Variants in ARHGEF10L observed in about 807,000 individuals in gnomAD.
ARHGEF10L encodes Rho guanine nucleotide exchange factor 10 like.
In ARHGEF10L, 69 loss-of-function variants were observed where a neutral mutation model predicts 141.2. That is an observed-to-expected ratio of 0.49 (90% confidence interval 0.40 to 0.60). ARHGEF10L has a LOEUF of 0.60. Ranked by LOEUF, ARHGEF10L falls within the 20% of genes least tolerant of loss-of-function variation. The probability of loss-of-function intolerance (pLI) is 0.00; values close to 1 mark genes in which losing one functional copy is unlikely to be tolerated. For synonymous variants in ARHGEF10L, 711 were observed against 718.5 expected (o/e 0.99, Z 0.17); for missense variants, 1,482 against 1,734.3 (o/e 0.85, Z 2.58).
At chr1:17,680,109 C>A (rs2102404227) in intron 26 of ARHGEF10L, among the ~76,000 whole-genome samples, 1 of 152,322 alleles carries the variant, frequency 6.6e-6, no homozygotes, top group Non-Finnish European at 1.5e-5. Context: ...CTGCCCCTGC[C>A]CATCTGGGCC....
In ARHGEF10L at chr1:17,656,134, C is replaced by A; in HGVS notation, c.2705+32C>A. 1 of 1,546,406 alleles carries A rather than the reference C, an allele frequency of 6.5e-7. No homozygotes were observed. The highest frequency in any genetic ancestry group is 2.3e-4 in the Middle Eastern group (1 of 4,442). On this transcript the variant is annotated intron_variant, in intron 24 of 28. Coordinates refer to ENST00000361221, the MANE Select transcript of ARHGEF10L (RefSeq NM_018125.4). This position sits in a 1 kb window ranked among gnomAD's most constrained non-coding sequence, Gnocchi z 4.9. ...GGCCCGGAAGGAGGGGTGAGAGCAG[C>A]CTCTGCAGGGCTGGGCAGTGGGTGG...
chr1:17,513,911 G>A, the ARHGEF10L span, among the ~76,000 whole-genome samples: 3 of 151,820 alleles, frequency 2.0e-5, no homozygotes, highest in African/African-American at 7.3e-5. Context: ...TGCAACCTCC[G>A]CCTCCCAGGT....
chr1:17,551,193 C>T (rs1251931212), intron 1 of ARHGEF10L, among the ~76,000 whole-genome samples: 1 of 152,128 alleles, frequency 6.6e-6, no homozygotes, highest in Non-Finnish European at 1.5e-5. Context: ...CATTCCTCTC[C>T]TCCCAACACA....
chr1:17,567,121 C>T (rs916448624), intron 1 of ARHGEF10L, among the ~76,000 whole-genome samples: 3 of 152,228 alleles, frequency 2.0e-5, no homozygotes, highest in Admixed American at 2.0e-4. Flanking sequence ...ATAGACCTGG[C>T]AAAGGCTCAG....
chr1:17,518,006 C>A, the ARHGEF10L span, among the ~76,000 whole-genome samples: 1 of 152,204 alleles, frequency 6.6e-6, no homozygotes, highest in Admixed American at 6.6e-5. Flanking sequence ...GGTCAGTAAA[C>A]TTCTCTGTAA....
At chr1:17,538,218 G>A (rs2076608647), upstream of ARHGEF10L, among the ~76,000 whole-genome samples, 1 of 152,236 alleles carries the variant, frequency 6.6e-6, no homozygotes, top group South Asian at 2.1e-4. Context: ...AATGCCATGA[G>A]CCTGAGGTCA....
At position 17,558,986 on chromosome 1, in the gene ARHGEF10L, C is replaced by T. The variant is rs370654911; in HGVS notation, c.-44+19036C>T. Among the ~76,000 whole-genome samples the T allele has an allele frequency of 1.6e-4, 24 of 152,266 alleles. No homozygotes were observed. The East Asian group carries it at 2.3e-3, about 15-fold the overall frequency. On this transcript the variant is annotated intron_variant, in intron 1 of 28. Coordinates refer to ENST00000361221, the MANE Select transcript of ARHGEF10L (RefSeq NM_018125.4). The surrounding 1 kb of genome is among the most constrained non-coding windows in gnomAD (Gnocchi z 4.2). ...CATGAAAGCTGATGACTCCTTTCCA[C>T]CAGTGAATTTCCTGCAACCCACAGG...
At chr1:17,602,352 T>A in intron 5 of ARHGEF10L, 134 bp downstream of exon 5, 1 of 1,027,730 alleles carries the variant, frequency 9.7e-7, no homozygotes, top group East Asian at 2.7e-5. Context: ...TCTGTGGCCC[T>A]GGAGGACCAA....
In ARHGEF10L at chr1:17,656,542, C is replaced by A; in HGVS notation, c.2706-12C>A. 6.2e-7 allele frequency: 1 copy of A among 1,604,272 alleles called. No individual in the cohort carries two copies. The highest frequency in any genetic ancestry group is 1.3e-5 in the African/African-American group (1 of 74,902). ...AGTGTGTCATGACCGCTTCTCCAAC[C>A]TCTCCCCGCAGCATCCTCCTCTACA... On this transcript the variant is annotated splice_polypyrimidine_tract_variant and intron_variant, in intron 24 of 28. Transcript: ENST00000361221. This position sits in a 1 kb window ranked among gnomAD's most constrained non-coding sequence, Gnocchi z 4.9.
At position 17,625,306 on chromosome 1, in the gene ARHGEF10L, G is replaced by A. The variant is rs1371131223; in HGVS notation, c.1318-650G>A. On this transcript the variant is annotated intron_variant, in intron 13 of 28. Transcript: ENST00000361221. The surrounding 1 kb of genome is among the most constrained non-coding windows in gnomAD (Gnocchi z 4.5). Reference sequence around the variant, plus strand: ...GGGCAGGTCTGTTTGGATTCTGGGAGCACTGATGCCTGTTGGGGAGTCCCA... The same window carrying A: ...GGGCAGGTCTGTTTGGATTCTGGGAACACTGATGCCTGTTGGGGAGTCCCA... Among the ~76,000 whole-genome samples the A allele has an allele frequency of 1.3e-5, 2 of 152,198 alleles. No homozygotes were observed. Among genetic ancestry groups the A allele is most frequent in the Admixed American group, 6.5e-5 (1 of 15,286 alleles).
chr1:17,593,994 C>T (rs1331995006), intron 4 of ARHGEF10L, among the ~76,000 whole-genome samples: 2 of 149,986 alleles, frequency 1.3e-5, no homozygotes, highest in African/African-American at 4.9e-5. Flanking sequence ...TGCTGACTGG[C>T]CGGTATTCCC....
chr1:17,543,332 C>T (rs553300367), intron 1 of ARHGEF10L, among the ~76,000 whole-genome samples: 70 of 152,146 alleles, frequency 4.6e-4, no homozygotes, highest in Non-Finnish European at 8.1e-4. Flanking sequence ...CGTGTAATCC[C>T]AGCACTTTGG....
At chr1:17,540,538 G>A (rs759290278) in intron 1 of ARHGEF10L, among the ~76,000 whole-genome samples, 2 of 152,182 alleles carry the variant, frequency 1.3e-5, no homozygotes, top group Admixed American at 6.5e-5. Context: ...TGTCAGGGAG[G>A]GCCCTAGATG....
Position 17,603,287 on chromosome 1 carries a change from T to C in ARHGEF10L, c.350-221T>C, listed in dbSNP as rs936315024. Among the ~76,000 whole-genome samples, 1 of 109,962 alleles carries C rather than the reference T, an allele frequency of 9.1e-6. No homozygotes were observed. The highest frequency in any genetic ancestry group is 3.6e-5 in the African/African-American group (1 of 28,118). The allele number at this position is 109,962 out of a possible 152,430, so 72.1% of individuals were successfully genotyped here. The stretch of plus-strand genomic sequence containing the variant: ...GCAGCAGGGAGCCAGGTGGGGTCTG[T>C]GCAGTCACTGGGAGGGCGCCTTGGA... On this transcript the variant is annotated intron_variant, in intron 5 of 28. Transcript: ENST00000361221. This position sits in a 1 kb window ranked among gnomAD's most constrained non-coding sequence, Gnocchi z 4.8.
At chr1:17,549,913 T>G (rs115092849) in intron 1 of ARHGEF10L, among the ~76,000 whole-genome samples, 22 of 152,330 alleles carry the variant, frequency 1.4e-4, no homozygotes, top group African/African-American at 5.3e-4. Context: ...GGTGAAGTTT[T>G]ACGCTCCAAT....
rs1282294618 is a variant in ARHGEF10L at position 17,554,097 on chromosome 1, C to T, written c.-44+14147C>T. Reference sequence around the variant, plus strand: ...GGGTGGGTACGGCCTCTCTACCTCACGTCCCATCACTTGGAGCTCTCTGCA... The same window carrying T: ...GGGTGGGTACGGCCTCTCTACCTCATGTCCCATCACTTGGAGCTCTCTGCA... On this transcript the variant is annotated intron_variant, in intron 1 of 28. Transcript: ENST00000361221. Among the ~76,000 whole-genome samples the T allele has an allele frequency of 3.9e-5, 6 of 152,300 alleles. No homozygotes were observed. In the East Asian group the frequency reaches 9.6e-4, roughly 24 times the overall value.
At chr1:17,670,740 G>A (rs532761698) in intron 26 of ARHGEF10L, among the ~76,000 whole-genome samples, 14 of 152,352 alleles carry the variant, frequency 9.2e-5, no homozygotes, top group African/African-American at 3.1e-4. Context: ...TCTCCGCAAC[G>A]CTGAGGAGTG....
intron 1 of ARHGEF10L, among the ~76,000 whole-genome samples, chr1:17,551,146 G>C (rs1358285037): frequency 6.6e-6 from 1 of 152,078 alleles, no homozygotes; most frequent in East Asian, 1.9e-4. Context: ...TCCAAAGCTT[G>C]TGGTTTTGTT....
Position 17,632,466 on chromosome 1 carries a change from A to G in ARHGEF10L, c.1730A>G (p.Lys577Arg). ...DMLVCANINF[K>R]PANHRGQLEI... ...CTTGTCTGTGCCAACATCAACTTCA[A>G]GTAAGTGGGCCTGGGTTGGAGGGGG... Residue 577 changes from lysine (K) to arginine (R), a missense_variant and splice_region_variant, in exon 16 of 29, where the codon AAG becomes AGG. By Grantham distance (26) the Lys-to-Arg change is conservative. Around this residue, in one of 3 missense-constraint regions of ARHGEF10L, gnomAD observed 858 missense variants for 966.3 expected, o/e 0.89. Coordinates refer to ENST00000361221, the MANE Select transcript of ARHGEF10L (RefSeq NM_018125.4). 2 of 1,614,072 alleles carry G rather than the reference A, an allele frequency of 1.2e-6. No homozygotes were observed. The highest frequency in any genetic ancestry group is 1.7e-6 in the Non-Finnish European group (2 of 1,179,950).
Sources: allele counts gnomAD v4.1 joint callset (sites outside exome capture counted in the v4.1 genomes callset), GRCh38; gene constraint gnomAD v4.1.1; regional missense constraint gnomAD v4.1.1; non-coding constraint Gnocchi (gnomAD v3.1); transcripts MANE v1.5; gene names NCBI Gene and HGNC (gene_info 2026-07-23, HGNC 2026-07-21).